Variants in PCDHA12 observed in about 807,000 individuals in gnomAD.
The protein encoded by PCDHA12 is protocadherin alpha-12.
Under a neutral mutation model 60.0 loss-of-function variants are expected in PCDHA12, and 44 were observed. The observed-to-expected ratio is 0.73, with a 90% CI of 0.58 to 0.94. The LOEUF (loss-of-function observed/expected upper bound fraction) is 0.94, where lower values mean the gene tolerates loss of function less well. Among genes scored for constraint, PCDHA12 ranks in the 40% least tolerant of loss-of-function variants. The pLI, the probability that PCDHA12 is intolerant of heterozygous loss-of-function variation, is 0.00. For synonymous variants in PCDHA12, 569 were observed against 553.0 expected, an observed-to-expected ratio of 1.03 and a Z score of -0.40; for missense variants, 1,276 against 1,239.7, an observed-to-expected ratio of 1.03 and a Z score of -0.44.
chr5:140,942,629 A>C (rs1401408646), intron 1 of PCDHA12, among the ~76,000 whole-genome samples: 1 of 152,076 alleles, frequency 6.6e-6, no homozygotes, highest in Non-Finnish European at 1.5e-5. Flanking sequence ...TAAAAAAAAA[A>C]ATGGCAAAAG....
chr5:140,890,828 A>G (rs1554184556), intron 1 of PCDHA12, among the ~76,000 whole-genome samples: 1 of 152,180 alleles, frequency 6.6e-6, no homozygotes, highest in Non-Finnish European at 1.5e-5. Flanking sequence ...ATGTACTTAC[A>G]TATTTACCAG....
chr5:140,999,507 T>A (rs2097860188), intron 3 of PCDHA12, among the ~76,000 whole-genome samples: 1 of 152,078 alleles, frequency 6.6e-6, no homozygotes, highest in South Asian at 2.1e-4. Flanking sequence ...GAACCTACAT[T>A]TTAAGCATTT....
chr5:140,968,798 G>A, intron 1 of PCDHA12: 3 of 1,614,232 alleles, frequency 1.9e-6, no homozygotes, highest in Non-Finnish European at 2.5e-6. Context: ...GGCCATTACA[G>A]TAGCTGTGGT....
intron 1 of PCDHA12, among the ~76,000 whole-genome samples, chr5:140,918,211 C>T (rs1554198470): frequency 6.6e-6 from 1 of 152,046 alleles, no homozygotes; most frequent in African/African-American, 2.4e-5. Context: ...TGTTGGTGTA[C>T]AGAAATGCTG....
At chr5:140,898,150 G>A (rs373714901) in intron 1 of PCDHA12, among the ~76,000 whole-genome samples, 6 of 152,198 alleles carry the variant, frequency 3.9e-5, no homozygotes, top group African/African-American at 9.6e-5. Flanking sequence ...GCCTGTTCAC[G>A]CTGATGGTGG....
At chr5:140,956,085 A>T (rs1338013265) in intron 1 of PCDHA12, among the ~76,000 whole-genome samples, 1 of 152,214 alleles carries the variant, frequency 6.6e-6, no homozygotes, top group Admixed American at 6.5e-5. Context: ...GGATCATGTC[A>T]TCTGCAAACA....
intron 1 of PCDHA12, among the ~76,000 whole-genome samples, chr5:140,930,708 C>T (rs1554208021): frequency 2.0e-5 from 3 of 152,088 alleles, no homozygotes; most frequent in Admixed American, 2.0e-4. Flanking sequence ...AGTTATTCTT[C>T]CTCAAGTAAT....
At chr5:140,915,259 T>A (rs1344301014) in intron 1 of PCDHA12, among the ~76,000 whole-genome samples, 2 of 152,182 alleles carry the variant, frequency 1.3e-5, no homozygotes, top group African/African-American at 2.4e-5. Flanking sequence ...GTTGTTATTA[T>A]TTTTGACCAG....
At chr5:140,994,236 A>G (rs1222556974) in intron 3 of PCDHA12, among the ~76,000 whole-genome samples, 3 of 152,170 alleles carry the variant, frequency 2.0e-5, no homozygotes, top group African/African-American at 4.8e-5. Context: ...GTTATAATCA[A>G]TTCAAACCCT....
At chr5:140,924,227 TA>T (rs2153571643) in intron 1 of PCDHA12, among the ~76,000 whole-genome samples, 1 of 152,354 alleles carries the variant, frequency 6.6e-6, no homozygotes, top group East Asian at 1.9e-4. Flanking sequence ...GTTCAATTTT[TA>T]TGGGCTGTTT....
At chr5:140,981,223 T>C (rs1472733562) in intron 2 of PCDHA12, among the ~76,000 whole-genome samples, 2 of 152,234 alleles carry the variant, frequency 1.3e-5, no homozygotes, top group Non-Finnish European at 2.9e-5. Context: ...CTTTAGTCAG[T>C]AGTCTAAATT....
At chr5:140,987,635 G>A (rs2097262928) in intron 3 of PCDHA12, among the ~76,000 whole-genome samples, 3 of 152,176 alleles carry the variant, frequency 2.0e-5, no homozygotes, top group Non-Finnish European at 4.4e-5. Context: ...ATGAGATAAT[G>A]CACACATATT....
intron 1 of PCDHA12, among the ~76,000 whole-genome samples, chr5:140,905,926 A>G (rs1040903041): frequency 6.6e-6 from 1 of 152,318 alleles, no homozygotes; most frequent in East Asian, 1.9e-4. Flanking sequence ...TCTGAGTCCC[A>G]AAGCTGAAGA....
intron 1 of PCDHA12, among the ~76,000 whole-genome samples, chr5:140,923,950 C>A (rs544576500): frequency 6.6e-6 from 1 of 152,148 alleles, no homozygotes; most frequent in Non-Finnish European, 1.5e-5. Context: ...TTTTTCCTCA[C>A]GCCCTAATCT....
chr5:140,967,056 G>A, intron 1 of PCDHA12: 1 of 1,612,712 alleles, frequency 6.2e-7, no homozygotes, highest in Non-Finnish European at 8.5e-7. Context: ...CTGACGAGTG[G>A]AGCGCTCTTC....
At chr5:140,897,252 A>G (rs1179343621) in intron 1 of PCDHA12, among the ~76,000 whole-genome samples, 3 of 152,018 alleles carry the variant, frequency 2.0e-5, no homozygotes, top group East Asian at 3.9e-4. Flanking sequence ...TTACATATGT[A>G]TACATGTGCC....
intron 1 of PCDHA12, among the ~76,000 whole-genome samples, chr5:140,888,523 T>C (rs1316582829): frequency 6.6e-6 from 1 of 152,244 alleles, no homozygotes; most frequent in African/African-American, 2.4e-5. Flanking sequence ...AGTTCTGACG[T>C]GAAGTTAAGT....
chr5:140,903,587 G>A (rs62384486), intron 1 of PCDHA12, among the ~76,000 whole-genome samples: 1 of 152,156 alleles, frequency 6.6e-6, no homozygotes, highest in African/African-American at 2.4e-5. Context: ...GCTGGTGTTG[G>A]CCTGATAAAT....
intron 1 of PCDHA12, among the ~76,000 whole-genome samples, chr5:140,926,182 C>T (rs1041630365): frequency 2.6e-5 from 4 of 151,858 alleles, no homozygotes; most frequent in South Asian, 2.2e-4. Flanking sequence ...CGGAAAGCCC[C>T]CCGCAGCACT....
Sources: allele counts gnomAD v4.1 joint callset (sites outside exome capture counted in the v4.1 genomes callset), GRCh38; gene constraint gnomAD v4.1.1; transcripts MANE v1.5; gene names NCBI Gene and HGNC (gene_info 2026-07-23, HGNC 2026-07-21).